The following NRXN3 variants were observed in gnomAD, a reference collection of about 807,000 sequenced individuals.
NRXN3 encodes the protein neurexin III.
In NRXN3, 32 loss-of-function variants were observed where a neutral mutation model predicts 137.6. The observed-to-expected ratio is 0.23, with a 90% CI of 0.18 to 0.31. The LOEUF is 0.31. Among genes scored for constraint, NRXN3 ranks in the 10% least tolerant of loss-of-function variants. The probability of loss-of-function intolerance (pLI) is 1.00; values close to 1 mark genes in which losing one functional copy is unlikely to be tolerated. For synonymous variants in NRXN3, 798 were observed against 784.5 expected, an observed-to-expected ratio of 1.02 and a Z score of -0.29; for missense variants, 1,574 against 2,062.5, an observed-to-expected ratio of 0.76 and a Z score of 4.59.
At chr14:78,871,727 T>G (rs1031237534) in intron 10 of NRXN3, among the ~76,000 whole-genome samples, 1 of 152,250 alleles carries the variant, frequency 6.6e-6, no homozygotes, top group African/African-American at 2.4e-5. Flanking sequence ...AGTCTCTATT[T>G]AATCCAATGA....
rs190437972 is a variant in NRXN3 at position 78,661,996 on chromosome 14, C to G, written c.1221+10670C>G. Among the ~76,000 whole-genome samples the G allele has an allele frequency of 1.2e-4, 18 of 150,436 alleles. No homozygotes were observed. The East Asian group carries it at 3.3e-3, about 28-fold the overall frequency. ...CCTCCACCAATTCTCATGCCTCAGT[C>G]TCCGAAGTAGCTGGGATTACAGGCA... is the stretch of plus-strand genomic sequence containing the variant. On this transcript the variant is annotated intron_variant, in intron 6 of 20. Coordinates refer to ENST00000335750, the MANE Select transcript of NRXN3 (RefSeq NM_001330195.2).
rs80162066 is a variant in NRXN3, at chr14:78,445,649, A to T, written c.757+147789A>T. Among the ~76,000 whole-genome samples, 472 of 152,338 alleles carry T rather than the reference A, an allele frequency of 3.1e-3. 3 individuals carry two copies. The highest frequency in any genetic ancestry group is 0.011 in the African/African-American group (438 of 41,570). ...CCAAGTTCTAGTGTCTTTGGGCAGC[A>T]AGTCCCTCAACAGACTGTGAGCTCC... On this transcript the variant is annotated intron_variant, in intron 4 of 20. Coordinates refer to ENST00000335750, the MANE Select transcript of NRXN3 (RefSeq NM_001330195.2).
chr14:78,858,938 C>T lies in NRXN3; in HGVS notation c.2275+48594C>T, dbSNP rs2099064837. On this transcript the variant is annotated intron_variant, in intron 10 of 20. Coordinates refer to ENST00000335750, the MANE Select transcript of NRXN3 (RefSeq NM_001330195.2). ...TATGTATTCCTACATTTTTCACAGG[C>T]AGTAATCCAGAGAATCTGATATGGT... is the stretch of plus-strand genomic sequence containing the variant. Among the ~76,000 whole-genome samples, 6 of 152,218 alleles carry T rather than the reference C, an allele frequency of 3.9e-5. No homozygotes were observed. In the South Asian group the frequency reaches 1.2e-3, roughly 32 times the overall value.
intron 15 of NRXN3, among the ~76,000 whole-genome samples, chr14:79,324,114 T>C (rs1310686188): frequency 6.6e-6 from 1 of 152,224 alleles, no homozygotes; most frequent in Non-Finnish European, 1.5e-5. Flanking sequence ...AGCCCTTGCC[T>C]AATTTGCTTC....
At chr14:78,786,924 G>T (rs1324954228) in intron 8 of NRXN3, among the ~76,000 whole-genome samples, 2 of 152,068 alleles carry the variant, frequency 1.3e-5, no homozygotes, top group Non-Finnish European at 2.9e-5. Flanking sequence ...TGAAATAAAA[G>T]GTATGAATGC....
intron 19 of NRXN3, among the ~76,000 whole-genome samples, chr14:79,715,764 T>A (rs1490980383): frequency 2.0e-5 from 3 of 152,144 alleles, no homozygotes; most frequent in Admixed American, 2.0e-4. Flanking sequence ...GAAAAGGACC[T>A]GAGGTAGTGT....
chr14:79,327,068 T>C (rs977745306), intron 15 of NRXN3, among the ~76,000 whole-genome samples: 1 of 152,192 alleles, frequency 6.6e-6, no homozygotes, highest in African/African-American at 2.4e-5. Context: ...CTTCCCACCT[T>C]CTTTCCCTCG....
intron 4 of NRXN3, among the ~76,000 whole-genome samples, chr14:78,458,846 A>G (rs1489641645): frequency 6.6e-6 from 1 of 152,208 alleles, no homozygotes; most frequent in Non-Finnish European, 1.5e-5. Context: ...CATTGGAGCC[A>G]TCTAACTAAG....
At chr14:79,830,631 G>A (rs1253559672) in intron 20 of NRXN3, among the ~76,000 whole-genome samples, 1 of 152,170 alleles carries the variant, frequency 6.6e-6, no homozygotes, top group African/African-American at 2.4e-5. Context: ...TGGAAAAGAA[G>A]CCTTGGCATA....
intron 15 of NRXN3, among the ~76,000 whole-genome samples, chr14:78,992,622 ATGT>A (rs1426756094): frequency 6.6e-6 from 1 of 152,166 alleles, no homozygotes; most frequent in Admixed American, 6.5e-5. Context: ...ACATCGAAAA[ATGT>A]TGTGTAGAAT....
At chr14:78,659,576 G>A (rs2097817690) in intron 6 of NRXN3, among the ~76,000 whole-genome samples, 1 of 152,084 alleles carries the variant, frequency 6.6e-6, no homozygotes, top group African/African-American at 2.4e-5. Flanking sequence ...CAGGTATTTT[G>A]GAGGGAGGTG....
At chr14:78,602,127 A>G (rs557188588) in intron 4 of NRXN3, among the ~76,000 whole-genome samples, 6 of 152,322 alleles carry the variant, frequency 3.9e-5, no homozygotes, top group African/African-American at 7.2e-5. Context: ...AAGGTCTTCT[A>G]TCATCCTCCT....
At chr14:78,653,710 T>TACAC (rs10650669) in intron 6 of NRXN3, among the ~76,000 whole-genome samples, 4,091 of 142,982 alleles carry the variant, frequency 0.029, 89 homozygotes, top group African/African-American at 0.053. Flanking sequence ...GAAAATAAAA[T>TACAC]ACACACACAC....
At chr14:79,125,788 T>C (rs2056311123) in intron 15 of NRXN3, among the ~76,000 whole-genome samples, 2 of 152,100 alleles carry the variant, frequency 1.3e-5, no homozygotes, top group Admixed American at 1.3e-4. Flanking sequence ...ATTTCCTCTT[T>C]TTTTGCTCGT....
rs78430071 is a variant in NRXN3 at position 79,539,319 on chromosome 14, G to A, written c.3444+71917G>A. 9.6e-3 allele frequency among the ~76,000 whole-genome samples: 1,463 copies of A among 152,086 alleles called. 22 individuals carry two copies. The highest frequency in any genetic ancestry group is 0.033 in the African/African-American group (1,371 of 41,510). On this transcript the variant is annotated intron_variant, in intron 16 of 20. Coordinates refer to ENST00000335750, the MANE Select transcript of NRXN3 (RefSeq NM_001330195.2). ...AAAGTGCTGGGACTACAGGTGCCCC[G>A]CTCAAGACAGATTTTAAACCTAGCA...
chr14:79,140,726 T>C (rs1363399129), intron 15 of NRXN3, among the ~76,000 whole-genome samples: 1 of 152,118 alleles, frequency 6.6e-6, no homozygotes, highest in African/African-American at 2.4e-5. Context: ...CATATAGGAA[T>C]ACAAGAAATG....
At chr14:78,670,048 C>T (rs2097920542) in intron 6 of NRXN3, among the ~76,000 whole-genome samples, 1 of 149,584 alleles carries the variant, frequency 6.7e-6, no homozygotes, top group Non-Finnish European at 1.5e-5. Context: ...GTGTGATGTT[C>T]CTCTCCCTGT....
chr14:78,801,334 G>T (rs1188464964), intron 8 of NRXN3, among the ~76,000 whole-genome samples: 1 of 152,086 alleles, frequency 6.6e-6, no homozygotes, highest in African/African-American at 2.4e-5. Context: ...AAAAAGAAAA[G>T]AAATACATGA....
chr14:79,553,081 AAGTC>A (rs1355757487), intron 16 of NRXN3, among the ~76,000 whole-genome samples: 1 of 152,144 alleles, frequency 6.6e-6, no homozygotes, highest in Non-Finnish European at 1.5e-5. Flanking sequence ...GTGCAGGAGA[AAGTC>A]AGAGAAAGAC....
Sources: gnomAD v4.1 joint callset for allele counts (sites outside exome capture counted in the v4.1 genomes callset) on GRCh38, gnomAD v4.1.1 for gene constraint, MANE v1.5 for transcripts, NCBI Gene and HGNC (gene_info 2026-07-23, HGNC 2026-07-21) for gene names.